PCDH15: variants seen among roughly 807,000 people sequenced by gnomAD.
PCDH15 encodes the protein protocadherin-15.
In PCDH15, 129 loss-of-function variants were observed where a neutral mutation model predicts 178.5. The observed-to-expected ratio is 0.72, with a 90% CI of 0.63 to 0.84. The LOEUF is 0.84. Ranked by LOEUF, PCDH15 falls within the 40% of genes least tolerant of loss-of-function variation. The pLI is 0.00. For synonymous variants in PCDH15, 800 were observed against 732.0 expected (o/e 1.09, Z -1.50); for missense variants, 2,230 against 2,099.9 (o/e 1.06, Z -1.21).
chr10:54,264,300 G>T (rs1177582775), intron 8 of PCDH15, among the ~76,000 whole-genome samples: 1 of 152,024 alleles, frequency 6.6e-6, no homozygotes, highest in East Asian at 1.9e-4. Flanking sequence ...CAAAAACAAA[G>T]TATCAACTCC....
chr10:54,034,643 C>T lies in PCDH15; in HGVS notation c.2221-11446G>A, dbSNP rs545533929. 3.8e-3 allele frequency among the ~76,000 whole-genome samples: 465 copies of T among 122,686 alleles called. 2 individuals are homozygous for T. Among genetic ancestry groups the T allele is most frequent in the African/African-American group, 0.012 (424 of 36,742 alleles). The allele number at this position is 122,686 out of a possible 152,430, so 80.5% of individuals were successfully genotyped here. On this transcript the variant is annotated intron_variant, in intron 18 of 37. Transcript: ENST00000644397. Reference sequence around the variant, plus strand: ...ACTGCATTCAAAGAGCTAAGATGTACACAATGTGAAACTGCCTTTTGAATT... The same window carrying T: ...ACTGCATTCAAAGAGCTAAGATGTATACAATGTGAAACTGCCTTTTGAATT...
At chr10:54,820,299 C>T (rs1243135628) in intron 3 of PCDH15, among the ~76,000 whole-genome samples, 1 of 151,966 alleles carries the variant, frequency 6.6e-6, no homozygotes, top group Admixed American at 6.6e-5. Flanking sequence ...ATGAATCACT[C>T]ATCAGGATAA....
At chr10:54,292,888 C>A (rs1315176652) in intron 8 of PCDH15, among the ~76,000 whole-genome samples, 1 of 152,064 alleles carries the variant, frequency 6.6e-6, no homozygotes, top group African/African-American at 2.4e-5. Flanking sequence ...GGCCATACTG[C>A]CCAAGGTAAT....
intron 5 of PCDH15, among the ~76,000 whole-genome samples, chr10:54,359,880 T>C (rs1286688608): frequency 2.0e-5 from 3 of 152,068 alleles, no homozygotes; most frequent in Admixed American, 6.6e-5. Context: ...ATGCAGTAGG[T>C]ATTGATGAAA....
In PCDH15 at chr10:55,292,876, C is replaced by T. The variant is rs147789213; in HGVS notation, c.-156+26723G>A. Among the ~76,000 whole-genome samples the T allele has an allele frequency of 7.6e-4, 115 of 152,302 alleles. 1 individual carries two copies. The highest frequency in any genetic ancestry group is 2.7e-3 in the African/African-American group (112 of 41,566). ...CTGAAGCTTTTCCAGGCAAACAGTGCAAGCTGTAAGTAAATCTGCAATTCT... is the reference window on the plus strand; with the variant it reads ...CTGAAGCTTTTCCAGGCAAACAGTGTAAGCTGTAAGTAAATCTGCAATTCT... On this transcript the variant is annotated intron_variant, in intron 1 of 5. Coordinates refer to the PCDH15 transcript ENST00000458638.
intron 3 of PCDH15, among the ~76,000 whole-genome samples, chr10:54,841,989 A>G (rs1953426910): frequency 6.6e-6 from 1 of 151,882 alleles, no homozygotes; most frequent in South Asian, 2.1e-4. Flanking sequence ...ATAAGCACAT[A>G]TGCTATTTTC....
rs76349715 is a variant in PCDH15, at chr10:55,019,421, G to A, written c.-79-121921C>T. On this transcript the variant is annotated intron_variant, in intron 2 of 5. Coordinates refer to the PCDH15 transcript ENST00000458638. Reference sequence around the variant, plus strand: ...TCCATGGTTCTCTTGCATTTTACATGACTTTCAAATGAGACAAGGACTACC... The same window carrying A: ...TCCATGGTTCTCTTGCATTTTACATAACTTTCAAATGAGACAAGGACTACC... Among the ~76,000 whole-genome samples the A allele has an allele frequency of 1.2e-3, 175 of 151,982 alleles. 1 individual carries two copies. Among genetic ancestry groups the A allele is most frequent in the African/African-American group, 3.9e-3 (163 of 41,472 alleles).
chr10:54,773,492 A>G (rs894183787), intron 1 of PCDH15, among the ~76,000 whole-genome samples: 2 of 152,202 alleles, frequency 1.3e-5, no homozygotes, highest in African/African-American at 2.4e-5. Flanking sequence ...ACATCATTAG[A>G]TTCTATAATT....
rs535928968 is a variant in PCDH15, at chr10:53,922,888, C to G, written c.3373+15927G>C. Among the ~76,000 whole-genome samples, 897 of 152,132 alleles carry G rather than the reference C, an allele frequency of 5.9e-3. 4 individuals carry two copies. The highest frequency in any genetic ancestry group is 8.0e-3 in the Non-Finnish European group (546 of 67,982). ...GGATCACGAGGTCGGGAGATCGAGA[C>G]CATCCTGGCTAACACGGTGGAACCC... On this transcript the variant is annotated intron_variant, in intron 25 of 37. Transcript: ENST00000644397.
intron 2 of PCDH15, among the ~76,000 whole-genome samples, chr10:54,653,662 G>A (rs2094312466): frequency 6.6e-6 from 1 of 152,164 alleles, no homozygotes; most frequent in African/African-American, 2.4e-5. Context: ...TCATAGCACA[G>A]CATGTATGAT....
intron 1 of PCDH15, among the ~76,000 whole-genome samples, chr10:54,788,318 T>C (rs1458667002): frequency 6.6e-6 from 1 of 151,880 alleles, no homozygotes; most frequent in East Asian, 1.9e-4. Context: ...GAAGAGATCA[T>C]GAACTTAGTT....
intron 20 of PCDH15, among the ~76,000 whole-genome samples, chr10:54,012,051 C>A (rs905470675): frequency 6.6e-6 from 1 of 151,966 alleles, no homozygotes; most frequent in East Asian, 1.9e-4. Flanking sequence ...TACAATAAAA[C>A]AATACAGGAG....
intron 2 of PCDH15, among the ~76,000 whole-genome samples, chr10:55,087,162 G>C (rs1842192961): frequency 6.6e-6 from 1 of 152,034 alleles, no homozygotes; most frequent in African/African-American, 2.4e-5. Context: ...ATTTTTATAT[G>C]GTGTGGAGAG....
At chr10:54,912,104 G>A (rs1006676855) in intron 2 of PCDH15, among the ~76,000 whole-genome samples, 1 of 151,888 alleles carries the variant, frequency 6.6e-6, no homozygotes, top group African/African-American at 2.4e-5. Context: ...TAGACTTGTT[G>A]ATTCTGTTTT....
intron 2 of PCDH15, chr10:55,599,610 T>C (rs1342936995): frequency 5.0e-6 from 1 of 199,066 alleles, no homozygotes; most frequent in Non-Finnish European, 1.0e-5. Context: ...TGCATAAGCT[T>C]ACATCAGACC....
intron 2 of PCDH15, among the ~76,000 whole-genome samples, chr10:55,507,980 A>G (rs1840798502): frequency 6.6e-6 from 1 of 151,752 alleles, no homozygotes; most frequent in Non-Finnish European, 1.5e-5. Flanking sequence ...GAGGTATAAT[A>G]TCAGAACTTG....
intron 1 of PCDH15, among the ~76,000 whole-genome samples, chr10:54,700,721 C>T (rs774591986): frequency 5.3e-5 from 8 of 152,068 alleles, no homozygotes; most frequent in Non-Finnish European, 1.2e-4. Flanking sequence ...TGTAAAAAGA[C>T]CAAATCTCTG....
At chr10:54,091,274 T>G (rs2094596731) in intron 15 of PCDH15, among the ~76,000 whole-genome samples, 1 of 152,204 alleles carries the variant, frequency 6.6e-6, no homozygotes, top group African/African-American at 2.4e-5. Context: ...TTCAGATGTA[T>G]TTTATTTTTA....
At chr10:54,641,052 C>T (rs766844177) in intron 2 of PCDH15, 6 of 262,434 alleles carry the variant, frequency 2.3e-5, no homozygotes, top group Middle Eastern at 1.4e-3. Flanking sequence ...TGTGGTAAGC[C>T]GAGATGGTGC....
Sources: gnomAD v4.1 joint callset for allele counts (sites outside exome capture counted in the v4.1 genomes callset) on GRCh38, gnomAD v4.1.1 for gene constraint, MANE v1.5 for transcripts, NCBI Gene and HGNC (gene_info 2026-07-23, HGNC 2026-07-21) for gene names.